The following ZFPM2 variants were observed in gnomAD, a reference collection of about 807,000 sequenced individuals.
ZFPM2 encodes the protein zinc finger protein ZFPM2.
In ZFPM2, 20 loss-of-function variants were observed where a neutral mutation model predicts 98.6. The observed-to-expected ratio is 0.20, with a 90% CI of 0.14 to 0.29. ZFPM2 has a LOEUF of 0.29. Among genes scored for constraint, ZFPM2 ranks in the 10% least tolerant of loss-of-function variants. The pLI, the probability that ZFPM2 is intolerant of heterozygous loss-of-function variation, is 1.00. For missense variants in ZFPM2, 1,310 were observed against 1,388.6 expected, an observed-to-expected ratio of 0.94 and a Z score of 0.90; for synonymous variants, 518 against 502.7, an observed-to-expected ratio of 1.03 and a Z score of -0.41.
intron 1 of ZFPM2, among the ~76,000 whole-genome samples, chr8:105,334,817 A>G (rs2129639925): frequency 6.6e-6 from 1 of 151,780 alleles, no homozygotes; most frequent in East Asian, 1.9e-4. Flanking sequence ...CCTGGGCCCA[A>G]TGTGTTGCTC....
At chr8:105,657,257 G>A (rs1343001467) in intron 5 of ZFPM2, among the ~76,000 whole-genome samples, 1 of 151,964 alleles carries the variant, frequency 6.6e-6, no homozygotes, top group Admixed American at 6.6e-5. Flanking sequence ...TTATGTCTCA[G>A]CCTCCCAAGT....
intron 4 of ZFPM2, among the ~76,000 whole-genome samples, chr8:105,625,090 A>G (rs1460564056): frequency 1.3e-5 from 2 of 152,194 alleles, no homozygotes; most frequent in Non-Finnish European, 2.9e-5. Flanking sequence ...TGGAATCTCC[A>G]TTCATAAATC....
At chr8:105,769,275 G>C (rs1812930126) in intron 5 of ZFPM2, among the ~76,000 whole-genome samples, 1 of 151,930 alleles carries the variant, frequency 6.6e-6, no homozygotes, top group South Asian at 2.1e-4. Context: ...TGCTGAGCTA[G>C]ACTTAGCTAC....
chr8:105,515,911 C>CTTT (rs34183654), intron 3 of ZFPM2, among the ~76,000 whole-genome samples: 3,910 of 89,098 alleles, frequency 0.044, 151 homozygotes, highest in East Asian at 0.13. Context: ...AAAACAACTT[C>CTTT]TTTTTTTTTT....
chr8:105,768,498 T>C (rs1320640725), intron 5 of ZFPM2, among the ~76,000 whole-genome samples: 1 of 152,058 alleles, frequency 6.6e-6, no homozygotes, highest in East Asian at 1.9e-4. Flanking sequence ...ATCAAAGCTC[T>C]CTCCCAAATG....
intron 1 of ZFPM2, among the ~76,000 whole-genome samples, chr8:105,385,983 C>T (rs1810981174): frequency 6.6e-6 from 1 of 152,170 alleles, no homozygotes; most frequent in South Asian, 2.1e-4. Context: ...ATCTGTGCCT[C>T]AGTTCCCTCA....
chr8:105,700,954 C>A (rs1400643187), intron 5 of ZFPM2, among the ~76,000 whole-genome samples: 3 of 152,104 alleles, frequency 2.0e-5, no homozygotes, highest in African/African-American at 7.2e-5. Flanking sequence ...TTGTTTTTGC[C>A]ATAACCTGCC....
chr8:105,639,688 T>G (rs1816914508), intron 5 of ZFPM2, among the ~76,000 whole-genome samples: 1 of 152,024 alleles, frequency 6.6e-6, no homozygotes, highest in Admixed American at 6.6e-5. Context: ...ATGTTGCTGA[T>G]TATCATACAA....
At chr8:105,793,972 A>G (rs552349840) in intron 6 of ZFPM2, among the ~76,000 whole-genome samples, 6 of 152,056 alleles carry the variant, frequency 3.9e-5, no homozygotes, top group Non-Finnish European at 8.8e-5. Context: ...CTAGTTATAC[A>G]TTCGTCTAAA....
At chr8:105,689,219 A>G (rs1401874804) in intron 5 of ZFPM2, among the ~76,000 whole-genome samples, 1 of 152,172 alleles carries the variant, frequency 6.6e-6, no homozygotes, top group Admixed American at 6.5e-5. Flanking sequence ...GTACTTCCTA[A>G]CATGTATTCT....
chr8:105,574,135 A>T (rs1340379297), intron 4 of ZFPM2, among the ~76,000 whole-genome samples: 3 of 152,196 alleles, frequency 2.0e-5, no homozygotes, highest in Non-Finnish European at 4.4e-5. Flanking sequence ...AACATACTTT[A>T]AAAAGCAGGT....
intron 1 of ZFPM2, among the ~76,000 whole-genome samples, chr8:105,349,874 T>G (rs181877011): frequency 6.6e-6 from 1 of 152,342 alleles, no homozygotes; most frequent in Admixed American, 6.5e-5. Context: ...CTACATGGCC[T>G]TCTTGACTTT....
chr8:105,725,210 G>A (rs1811779236), intron 5 of ZFPM2, among the ~76,000 whole-genome samples: 1 of 151,530 alleles, frequency 6.6e-6, no homozygotes, highest in Non-Finnish European at 1.5e-5. Context: ...ATTCCTTTCA[G>A]TTTTATCCAG....
intron 3 of ZFPM2, among the ~76,000 whole-genome samples, chr8:105,493,605 CT>C (rs1417273750): frequency 6.6e-6 from 1 of 152,158 alleles, no homozygotes; most frequent in Non-Finnish European, 1.5e-5. Context: ...ATTCTCCCAC[CT>C]TGGTCTCAGT....
At chr8:105,710,587 T>G (rs1811361188) in intron 5 of ZFPM2, among the ~76,000 whole-genome samples, 1 of 152,070 alleles carries the variant, frequency 6.6e-6, no homozygotes, top group Non-Finnish European at 1.5e-5. Context: ...AATTTTACCC[T>G]AGAAAATATA....
At chr8:105,377,273 G>A (rs1206751433) in intron 1 of ZFPM2, among the ~76,000 whole-genome samples, 1 of 152,058 alleles carries the variant, frequency 6.6e-6, no homozygotes, top group Non-Finnish European at 1.5e-5. Context: ...CAACATTATA[G>A]TTTATTACCA....
At chr8:105,632,465 C>T (rs1381712997) in intron 4 of ZFPM2, among the ~76,000 whole-genome samples, 1 of 152,020 alleles carries the variant, frequency 6.6e-6, no homozygotes, top group Admixed American at 6.6e-5. Flanking sequence ...CCACCACGCC[C>T]GACCACCAGA....
intron 3 of ZFPM2, among the ~76,000 whole-genome samples, chr8:105,462,259 G>A (rs1253481024): frequency 6.6e-6 from 1 of 151,932 alleles, no homozygotes; most frequent in Non-Finnish European, 1.5e-5. Flanking sequence ...GGTTCTCCAG[G>A]CTCCAGAGCA....
chr8:105,391,038 A>G (rs1392629438), intron 1 of ZFPM2, among the ~76,000 whole-genome samples: 1 of 152,170 alleles, frequency 6.6e-6, no homozygotes, highest in South Asian at 2.1e-4. Context: ...CATAAATGTG[A>G]TTGCTGTGGC....
Sources: allele counts gnomAD v4.1 joint callset (sites outside exome capture counted in the v4.1 genomes callset), GRCh38; gene constraint gnomAD v4.1.1; transcripts MANE v1.5; gene names NCBI Gene and HGNC (gene_info 2026-07-23, HGNC 2026-07-21).